The following DHRS4 variants were observed in gnomAD, a reference collection of about 807,000 sequenced individuals.
The protein encoded by DHRS4 is dehydrogenase/reductase SDR family member 4.
Under a neutral mutation model 28.4 loss-of-function variants are expected in DHRS4, and 20 were observed. That is an observed-to-expected ratio of 0.71 (90% CI 0.50 to 1.02). The LOEUF (loss-of-function observed/expected upper bound fraction) is 1.02. DHRS4 is among the 50% of genes least tolerant of loss of function. The probability of loss-of-function intolerance (pLI) is 0.00; values close to 1 mark genes in which losing one functional copy is unlikely to be tolerated. For synonymous variants in DHRS4, 144 were observed against 146.4 expected, an observed-to-expected ratio of 0.98 and a Z score of 0.12; for missense variants, 378 against 367.2, an observed-to-expected ratio of 1.03 and a Z score of -0.24.
At chr14:23,956,199 G>A (rs1436771464) in intron 2 of DHRS4, among the ~76,000 whole-genome samples, 1 of 152,226 alleles carries the variant, frequency 6.6e-6, no homozygotes. Flanking sequence ...AAAAAGCTTG[G>A]CTTAGGCTGA....
chr14:23,965,784 C>T lies in DHRS4; in HGVS notation c.431C>T (p.Ala144Val). The T allele has an allele frequency of 1.2e-6, 2 of 1,605,098 alleles. No individual in the cohort carries two copies. The highest frequency in any genetic ancestry group is 2.2e-5 in the South Asian group (2 of 90,374). Residue 144 changes from alanine to valine, a missense_variant, in exon 4 of 8, where the codon GCC becomes GTC. Coordinates refer to ENST00000313250, the MANE Select transcript of DHRS4 (RefSeq NM_021004.4). The stretch of plus-strand genomic sequence containing the variant: ...CAGACTCTGGACATTAATGTGAAGG[C>T]CCCAGCCCTGATGACAAAGGCAGTG... ...WDKTLDINVK[A>V]PALMTKAVVP...
At position 23,955,038 on chromosome 14, in the gene DHRS4, C is replaced by A. The variant is rs146373042; in HGVS notation, c.132C>A (p.Ile44=). Residue 44 remains isoleucine (I), a synonymous_variant, in exon 2 of 8, where the codon ATC becomes ATA. Coordinates refer to ENST00000313250, the MANE Select transcript of DHRS4 (RefSeq NM_021004.4). ...VALVTASTDG[I]GFAIARRLAQ... ...CTTTGTCTCTTTCTGCTCACAGGAT[C>A]GGCTTCGCCATCGCCCGGCGTTTGG... 27 of 1,614,168 alleles carry A rather than the reference C, an allele frequency of 1.7e-5. No homozygotes were observed. The highest frequency in any genetic ancestry group is 2.0e-5 in the Non-Finnish European group (24 of 1,179,990).
chr14:23,964,232 A>AAAAAAAAAAAAAAAAAAAAAAAC (rs2033528175), intron 3 of DHRS4, among the ~76,000 whole-genome samples: 1 of 103,682 alleles, frequency 9.6e-6, no homozygotes, highest in African/African-American at 4.3e-5. Flanking sequence ...AAAAAAAAAA[A>AAAAAAAAAAAAAAAAAAAAAAAC]AAAAAAAAAA....
intron 1 of DHRS4, among the ~76,000 whole-genome samples, chr14:23,954,804 G>T (rs113367887): frequency 6.6e-6 from 1 of 152,198 alleles, no homozygotes; most frequent in Non-Finnish European, 1.5e-5. Context: ...TGTAGAAAGT[G>T]ATGTCAGTTC....
intron 3 of DHRS4, among the ~76,000 whole-genome samples, chr14:23,962,641 T>C (rs1294980932): frequency 1.3e-5 from 2 of 151,862 alleles, no homozygotes; most frequent in African/African-American, 4.9e-5. Context: ...TCTGATGCAG[T>C]CTTGAACCCT....
At chr14:23,959,798 C>T (rs1306719088) in intron 2 of DHRS4, 104 bp from the exon 3 acceptor site, 3 of 1,369,702 alleles carry the variant, frequency 2.2e-6, no homozygotes, top group Non-Finnish European at 3.1e-6. Flanking sequence ...TGATTACAGG[C>T]ATGAGCCACA....
At chr14:23,965,677 A>T in intron 3 of DHRS4, 85 bp from the exon 4 acceptor site, 2 of 1,111,010 alleles carry the variant, frequency 1.8e-6, no homozygotes, top group Non-Finnish European at 1.3e-6. Context: ...CAAACATCCT[A>T]GGAACCCACT....
chr14:23,960,079 G>A, intron 3 of DHRS4, 76 bp downstream of exon 3: 2 of 1,413,744 alleles, frequency 1.4e-6, no homozygotes, highest in African/African-American at 1.5e-5. Context: ...TCTGCTTTTA[G>A]AATGCATTTC....
intron 1 of DHRS4, 146 bp downstream of exon 1, chr14:23,954,062 C>T: frequency 7.6e-7 from 1 of 1,315,944 alleles, no homozygotes; most frequent in Non-Finnish European, 1.0e-6. Context: ...CGTGGTCCGC[C>T]TGAAGCCACT....
Position 23,955,121 on chromosome 14 carries a change from C to A in DHRS4, c.215C>A (p.Ala72Glu). 2 of 1,614,080 alleles carry A rather than the reference C, an allele frequency of 1.2e-6. No homozygotes were observed. Among genetic ancestry groups the A allele is most frequent in the Non-Finnish European group, 1.7e-6 (2 of 1,179,966 alleles). The change falls in exon 2 of 8, where the codon GCG becomes GAG. Residue 72 changes from alanine (A) to glutamate (E), a missense_variant. Physicochemically the swap from Ala to Glu is moderately radical, Grantham distance 107 (BLOSUM62 -1). Coordinates refer to ENST00000313250, the MANE Select transcript of DHRS4 (RefSeq NM_021004.4). ...SSRKQQNVDQ[A>E]VATLQGEGLS... ...CGGAAGCAGCAGAATGTGGACCAGGCGGTGGCCACGCTGCAGGGGGAGGGG... is the reference window on the plus strand; with the variant it reads ...CGGAAGCAGCAGAATGTGGACCAGGAGGTGGCCACGCTGCAGGGGGAGGGG...
chr14:23,955,204 G>T lies in DHRS4; in HGVS notation c.298G>T (p.Val100Leu). 6.2e-7 allele frequency: 1 copy of T among 1,612,864 alleles called. No individual in the cohort carries two copies. Among genetic ancestry groups the T allele is most frequent in the Non-Finnish European group, 8.5e-7 (1 of 1,179,406 alleles). The change falls in exon 2 of 8, where the codon GTG (valine) becomes TTG (leucine). Residue 100 changes from valine to leucine, a missense_variant. By Grantham distance (32) the Val-to-Leu change is conservative (BLOSUM62 1). Transcript: ENST00000313250. ...GAAGGCGGAGGACCGGGAGCGGCTG[G>T]TGGCCACGGTGAGCTGCAGGGAAAT... ...VGKAEDRERL[V>L]ATAVKLHGGI...
rs1246772058 is a variant in DHRS4, at chr14:23,967,096, G to C, written c.667-115G>C. On this transcript the variant is annotated intron_variant, in intron 6 of 7. Transcript: ENST00000313250. Reference sequence around the variant, plus strand: ...CATAACCCGGGAGGCGGAGTTTGCAGTGAGCCAAGATAGCGCCACTACAGT... The same window carrying C: ...CATAACCCGGGAGGCGGAGTTTGCACTGAGCCAAGATAGCGCCACTACAGT... The C allele has an allele frequency of 1.4e-5, 19 of 1,311,556 alleles. No homozygotes were observed. The African/African-American group carries it at 2.2e-4, about 15-fold the overall frequency. 81.2% of individuals were successfully genotyped at this position (1,311,556 alleles called of 1,614,324 possible). A position where few individuals can be genotyped will look rare whatever the true frequency, so the allele number is the denominator to read the frequency against.
At chr14:23,958,330 C>T (rs1257581848) in intron 2 of DHRS4, among the ~76,000 whole-genome samples, 1 of 152,124 alleles carries the variant, frequency 6.6e-6, no homozygotes, top group African/African-American at 2.4e-5. Context: ...AGTAACACCC[C>T]TCTGTGTGCC....
Position 23,953,835 on chromosome 14 carries a change from C to A in DHRS4, c.47C>A (p.Ser16Ter). The A allele has an allele frequency of 1.9e-6, 3 of 1,614,036 alleles. No individual in the cohort carries two copies. In the Admixed American group the frequency reaches 5.0e-5, roughly 27 times the overall value. ...GGCCTCTGTGCCCGGGCTTGGAATT[C>A]GGTGCGGATGGCCAGCTCCGGGATG... Reference protein sequence around the residue: ...LLGLCARAWNSVRMASSGMTR... With the variant: ...LLGLCARAWN Residue 16 changes from serine to a stop codon, truncating the protein, a stop_gained, in exon 1 of 8, where the codon TCG (serine) becomes TAG (stop). Transcript: ENST00000313250. LOFTEE classifies it high-confidence loss of function.
chr14:23,956,472 C>T (rs1336031294), intron 2 of DHRS4, among the ~76,000 whole-genome samples: 2 of 152,114 alleles, frequency 1.3e-5, no homozygotes, highest in African/African-American at 2.4e-5. Context: ...GCAAAATGAG[C>T]AGACAGCCAA....
At chr14:23,957,626 A>G (rs1237970968) in intron 2 of DHRS4, among the ~76,000 whole-genome samples, 1 of 149,408 alleles carries the variant, frequency 6.7e-6, no homozygotes, top group Non-Finnish European at 1.5e-5. Flanking sequence ...ACATGATCAT[A>G]GCTCACTGTA....
At chr14:23,964,247 A>C (rs866708725) in intron 3 of DHRS4, among the ~76,000 whole-genome samples, 49 of 129,742 alleles carry the variant, frequency 3.8e-4, no homozygotes, top group African/African-American at 1.5e-3. Flanking sequence ...AAAAAAAAAA[A>C]AAAAAAACAC....
intron 1 of DHRS4, chr14:23,954,312 T>G (rs1031187638): frequency 5.6e-6 from 1 of 177,460 alleles, no homozygotes; most frequent in African/African-American, 2.4e-5. Context: ...GACATTCTAT[T>G]TGGGCACCGG....
In DHRS4 at chr14:23,968,821, A is replaced by C. The variant is rs749737331; in HGVS notation, c.787A>C (p.Ile263Leu). ...CCTGTGCTCTGAAGATGCCAGCTACATCACTGGGGAAACAGTGGTGGTGGG... is the reference window on the plus strand; with the variant it reads ...CCTGTGCTCTGAAGATGCCAGCTACCTCACTGGGGAAACAGTGGTGGTGGG... Reference protein sequence around the residue: ...SFLCSEDASYITGETVVVGGG... With the variant: ...SFLCSEDASYLTGETVVVGGG... Residue 263 changes from isoleucine (I) to leucine (L), a missense_variant, in exon 8 of 8, where the codon ATC (isoleucine) becomes CTC (leucine). By Grantham distance (5) the Ile-to-Leu change is conservative. Transcript: ENST00000313250. The C allele has an allele frequency of 1.9e-5, 31 of 1,610,766 alleles. 2 individuals carry two copies. The highest frequency in any genetic ancestry group is 5.4e-5 in the African/African-American group (4 of 74,748).
Sources: allele counts gnomAD v4.1 joint callset (sites outside exome capture counted in the v4.1 genomes callset), GRCh38; gene constraint gnomAD v4.1.1; transcripts MANE v1.5; gene names NCBI Gene and HGNC (gene_info 2026-07-23, HGNC 2026-07-21).